The following RNF180 variants were observed in gnomAD, a reference collection of about 807,000 sequenced individuals.
RNF180 encodes the protein E3 ubiquitin-protein ligase RNF180.
RNF180 carries 38 observed loss-of-function variants against 59.2 expected under a neutral mutation model. That is an observed-to-expected ratio of 0.64 (90% CI 0.50 to 0.84). The LOEUF (loss-of-function observed/expected upper bound fraction) is 0.84. Among genes scored for constraint, RNF180 ranks in the 40% least tolerant of loss-of-function variants. RNF180 has a pLI of 0.00. For synonymous variants in RNF180, 262 were observed against 240.3 expected (o/e 1.09, Z -0.84); for missense variants, 705 against 700.9 (o/e 1.01, Z -0.07).
chr5:64,225,408 C>T (rs1269160142), intron 5 of RNF180, among the ~76,000 whole-genome samples: 4 of 146,502 alleles, frequency 2.7e-5, no homozygotes, highest in African/African-American at 7.6e-5. Flanking sequence ...GCCTGGCCGC[C>T]CATCGTCTGG....
intron 5 of RNF180, among the ~76,000 whole-genome samples, chr5:64,306,533 A>ATT (rs1287620181): frequency 6.6e-6 from 1 of 151,738 alleles, no homozygotes; most frequent in Non-Finnish European, 1.5e-5. Context: ...GTTTCCTCTA[A>ATT]AAAGATGTGA....
intron 5 of RNF180, among the ~76,000 whole-genome samples, chr5:64,283,119 G>A (rs546071091): frequency 2.5e-4 from 38 of 152,232 alleles, no homozygotes; most frequent in South Asian, 1.2e-3. Context: ...TTGTATTATT[G>A]TGTGGTTATC....
intron 7 of RNF180, among the ~76,000 whole-genome samples, chr5:64,338,431 G>A (rs112344960): frequency 3.3e-5 from 5 of 152,108 alleles, no homozygotes; most frequent in South Asian, 4.1e-4. Flanking sequence ...TCAGGAGATC[G>A]AGACCATCCT....
intron 5 of RNF180, among the ~76,000 whole-genome samples, chr5:64,300,202 G>C (rs1037226739): frequency 6.6e-6 from 1 of 151,674 alleles, no homozygotes; most frequent in African/African-American, 2.4e-5. Flanking sequence ...AAAAAAAATT[G>C]TATTGCTAAG....
chr5:64,307,137 C>T (rs1743512173), intron 5 of RNF180, among the ~76,000 whole-genome samples: 1 of 149,736 alleles, frequency 6.7e-6, no homozygotes, highest in South Asian at 2.1e-4. Flanking sequence ...CTTTCTGTAC[C>T]CTTTGCAGGC....
At chr5:64,222,049 C>T (rs1741368084) in intron 5 of RNF180, among the ~76,000 whole-genome samples, 1 of 152,096 alleles carries the variant, frequency 6.6e-6, no homozygotes, top group Non-Finnish European at 1.5e-5. Flanking sequence ...TGTCATGTCT[C>T]ATTAGGTTCC....
intron 5 of RNF180, among the ~76,000 whole-genome samples, chr5:64,257,807 C>T (rs2112304394): frequency 6.6e-6 from 1 of 152,182 alleles, no homozygotes; most frequent in African/African-American, 2.4e-5. Context: ...TTTAACACCC[C>T]ACAGTCAACA....
At chr5:64,298,109 A>T (rs1389787590) in intron 5 of RNF180, among the ~76,000 whole-genome samples, 1 of 152,080 alleles carries the variant, frequency 6.6e-6, no homozygotes, top group African/African-American at 2.4e-5. Context: ...AATTGAGAAC[A>T]TGTAGTATTT....
chr5:64,211,891 A>G (rs1199712238), intron 2 of RNF180, among the ~76,000 whole-genome samples, 174 bp from the exon 3 acceptor site: 2 of 152,176 alleles, frequency 1.3e-5, no homozygotes, highest in South Asian at 4.1e-4. Context: ...AAATTTTTAA[A>G]AAATCTTTTT....
At chr5:64,267,093 AT>A (rs1282545695) in intron 5 of RNF180, among the ~76,000 whole-genome samples, 5 of 152,084 alleles carry the variant, frequency 3.3e-5, no homozygotes, top group Non-Finnish European at 5.9e-5. Context: ...CCTGTCTGAA[AT>A]TTTAAAATTT....
chr5:64,197,279 A>AT (rs1348895132), intron 1 of RNF180, among the ~76,000 whole-genome samples: 6 of 152,200 alleles, frequency 3.9e-5, no homozygotes, highest in Non-Finnish European at 8.8e-5. Flanking sequence ...GAGAAGTAAG[A>AT]TTTTCAAAAA....
intron 7 of RNF180, among the ~76,000 whole-genome samples, chr5:64,333,626 C>A (rs1745006255): frequency 6.6e-6 from 1 of 151,366 alleles, no homozygotes; most frequent in African/African-American, 2.5e-5. Context: ...CTATGCTATA[C>A]CCAAAGTTCT....
intron 4 of RNF180, among the ~76,000 whole-genome samples, chr5:64,215,069 T>C (rs1752544359): frequency 6.6e-6 from 1 of 152,146 alleles, no homozygotes; most frequent in South Asian, 2.1e-4. Flanking sequence ...TTATTGTAAT[T>C]TCGTAGGAGA....
chr5:64,314,492 C>T (rs1313607017), intron 5 of RNF180, among the ~76,000 whole-genome samples: 1 of 152,040 alleles, frequency 6.6e-6, no homozygotes, highest in East Asian at 1.9e-4. Context: ...CAAATCTTTG[C>T]TTTCTGTTTC....
At chr5:64,331,777 TGACAA>T (rs962018650) in intron 7 of RNF180, among the ~76,000 whole-genome samples, 6 of 151,900 alleles carry the variant, frequency 3.9e-5, no homozygotes, top group African/African-American at 7.3e-5. Context: ...ACATTGACGG[TGACAA>T]GACAAGAAGA....
Position 64,213,784 on chromosome 5 carries a change from T to C in RNF180, c.458T>C (p.Leu153Pro). The stretch of plus-strand genomic sequence containing the variant: ...TCAGGTTGTGACAAGGAAGCTCTGC[T>C]GACAGGTGGTGGCTCTGAAAACAGA... Reference protein sequence around the residue: ...VQSGCDKEALLTGGGSENRNH... With the variant: ...VQSGCDKEALPTGGGSENRNH... The change falls in exon 4 of 8, where the codon CTG (leucine) becomes CCG (proline). Residue 153 changes from leucine (L) to proline (P), a missense_variant. By Grantham distance (98) the Leu-to-Pro change is moderately conservative. Coordinates refer to ENST00000389100, the MANE Select transcript of RNF180 (RefSeq NM_001113561.2). 2.5e-6 allele frequency: 4 copies of C among 1,614,180 alleles called. No homozygotes were observed. The highest frequency in any genetic ancestry group is 3.4e-6 in the Non-Finnish European group (4 of 1,180,018).
rs1023472485 is a variant in RNF180 at position 64,372,699 on chromosome 5, A to G, written c.*2885A>G. ...TCTTTGATTCTTCACAGAATTCTGT[A>G]GTTGAAGCCAGAAAACACTGTCATT... On this transcript the variant is annotated 3_prime_UTR_variant, in exon 8 of 8. Coordinates refer to ENST00000389100, the MANE Select transcript of RNF180 (RefSeq NM_001113561.2). 1.8e-4 allele frequency: 27 copies of G among 151,918 alleles called. No homozygotes were observed. Among genetic ancestry groups the G allele is most frequent in the African/African-American group, 6.5e-4 (27 of 41,428 alleles). The allele number at this position is 151,918 out of a possible 1,614,324, so 9.4% of individuals were successfully genotyped here.
chr5:64,343,815 A>G (rs1415875389), intron 7 of RNF180, among the ~76,000 whole-genome samples: 2 of 151,736 alleles, frequency 1.3e-5, no homozygotes, highest in Admixed American at 6.6e-5. Context: ...CATTTCAGGT[A>G]TCCAGTAGAC....
At chr5:64,289,416 A>G (rs892362887) in intron 5 of RNF180, among the ~76,000 whole-genome samples, 5 of 152,198 alleles carry the variant, frequency 3.3e-5, no homozygotes, top group Non-Finnish European at 7.3e-5. Flanking sequence ...AAAATGAGTT[A>G]GGGAGGAGTT....
Sources: allele counts gnomAD v4.1 joint callset (sites outside exome capture counted in the v4.1 genomes callset), GRCh38; gene constraint gnomAD v4.1.1; transcripts MANE v1.5; gene names NCBI Gene and HGNC (gene_info 2026-07-23, HGNC 2026-07-21).